Variants in MAGI2 observed in about 807,000 individuals in gnomAD.
MAGI2 encodes the protein membrane-associated guanylate kinase, WW and PDZ domain-containing protein 2.
MAGI2 carries 35 observed loss-of-function variants against 133.3 expected under a neutral mutation model. The observed-to-expected ratio is 0.26, with a 90% CI of 0.20 to 0.35. MAGI2 has a LOEUF of 0.35. Among genes scored for constraint, MAGI2 ranks in the 10% least tolerant of loss-of-function variants. The pLI is 1.00. For missense variants in MAGI2, 1,636 were observed against 1,863.4 expected (o/e 0.88, Z 2.25); for synonymous variants, 729 against 710.6 (o/e 1.03, Z -0.41).
At chr7:78,658,062 T>C (rs1316409701) in intron 2 of MAGI2, among the ~76,000 whole-genome samples, 1 of 152,234 alleles carries the variant, frequency 6.6e-6, no homozygotes, top group Non-Finnish European at 1.5e-5. Context: ...AGAACTGATA[T>C]TAATCCTTCT....
intron 1 of MAGI2, among the ~76,000 whole-genome samples, chr7:79,197,421 G>T (rs1828180034): frequency 6.6e-6 from 1 of 152,042 alleles, no homozygotes; most frequent in African/African-American, 2.4e-5. Flanking sequence ...TCACCACCTA[G>T]TATAGAACCT....
At chr7:79,402,146 A>C (rs1259747228) in intron 1 of MAGI2, among the ~76,000 whole-genome samples, 2 of 152,102 alleles carry the variant, frequency 1.3e-5, no homozygotes, top group African/African-American at 4.8e-5. Context: ...TCTTTTTTTA[A>C]GGCTCTATAG....
At chr7:78,407,759 C>T (rs1797519986) in intron 6 of MAGI2, among the ~76,000 whole-genome samples, 1 of 151,880 alleles carries the variant, frequency 6.6e-6, no homozygotes, top group African/African-American at 2.4e-5. Context: ...AAGTCCATTG[C>T]AGCCAACTGA....
intron 1 of MAGI2, among the ~76,000 whole-genome samples, chr7:79,200,705 T>C (rs1828539293): frequency 6.6e-6 from 1 of 151,856 alleles, no homozygotes; most frequent in Admixed American, 6.6e-5. Context: ...ATTGAGAATA[T>C]GGTGATACTA....
chr7:78,051,355 T>G (rs762449035), intron 21 of MAGI2, among the ~76,000 whole-genome samples: 5 of 152,194 alleles, frequency 3.3e-5, no homozygotes, highest in Non-Finnish European at 7.3e-5. Context: ...CTGAGAAATA[T>G]TGTTACTGCT....
intron 6 of MAGI2, among the ~76,000 whole-genome samples, chr7:78,467,890 A>T (rs1790803084): frequency 6.6e-6 from 1 of 152,178 alleles, no homozygotes; most frequent in Non-Finnish European, 1.5e-5. Context: ...TTGTCACAAG[A>T]TATCTTTCTT....
intron 14 of MAGI2, 132 bp downstream of exon 14, chr7:78,177,879 A>G (rs972786767): frequency 1.7e-6 from 1 of 590,638 alleles, no homozygotes; most frequent in Non-Finnish European, 2.9e-6. Flanking sequence ...GGAAAAAAAA[A>G]ATCCAAAGCT....
intron 21 of MAGI2, among the ~76,000 whole-genome samples, chr7:78,021,793 CCAA>C (rs1808419323): frequency 6.6e-6 from 1 of 152,112 alleles, no homozygotes; most frequent in South Asian, 2.1e-4. Flanking sequence ...TGATTTTGGA[CCAA>C]CAACTAAATC....
chr7:79,180,511 A>G (rs943254515), intron 1 of MAGI2, among the ~76,000 whole-genome samples: 1 of 152,034 alleles, frequency 6.6e-6, no homozygotes, highest in Admixed American at 6.6e-5. Context: ...CACCATCATG[A>G]GAACACAACA....
At chr7:78,673,711 C>T (rs1193827006) in intron 2 of MAGI2, among the ~76,000 whole-genome samples, 2 of 151,712 alleles carry the variant, frequency 1.3e-5, no homozygotes, top group Non-Finnish European at 2.9e-5. Context: ...GGGAGGGGGG[C>T]AGGCGGTGTT....
chr7:79,338,723 ATGT>A (rs1428146446), intron 1 of MAGI2, among the ~76,000 whole-genome samples: 2 of 152,134 alleles, frequency 1.3e-5, no homozygotes, highest in Non-Finnish European at 2.9e-5. Flanking sequence ...CCCATGTTAA[ATGT>A]TGTAACATAT....
rs534023915 is a variant in MAGI2 at position 78,134,997 on chromosome 7, T to C, written c.3031+24A>G. On this transcript the variant is annotated intron_variant, in intron 17 of 21. Coordinates refer to ENST00000354212, the MANE Select transcript of MAGI2 (RefSeq NM_012301.4). ...TGTGTCCATGTGTTGGCCGCCTCTC[T>C]GCAAGGCTGCCTCAGGCACTCACCC... 1.6e-5 allele frequency: 25 copies of C among 1,609,308 alleles called. No homozygotes were observed. In the South Asian group the frequency reaches 2.8e-4, roughly 18 times the overall value.
chr7:79,146,793 C>T (rs1000454609), intron 1 of MAGI2, among the ~76,000 whole-genome samples: 4 of 152,146 alleles, frequency 2.6e-5, no homozygotes, highest in African/African-American at 9.7e-5. Flanking sequence ...CTTAGGTGTG[C>T]CTTTATTGGC....
At chr7:78,432,805 A>G (rs756273575) in intron 6 of MAGI2, among the ~76,000 whole-genome samples, 16 of 151,988 alleles carry the variant, frequency 1.1e-4, no homozygotes, top group Non-Finnish European at 2.2e-4. Flanking sequence ...GCTCATATTA[A>G]AAAAAAGAAT....
chr7:78,911,634 C>T (rs1389858743), intron 2 of MAGI2, among the ~76,000 whole-genome samples: 1 of 149,146 alleles, frequency 6.7e-6, no homozygotes, highest in African/African-American at 2.5e-5. Context: ...AAGGCAGTAT[C>T]TAAATTTTAA....
chr7:78,347,688 A>C (rs567801177), intron 7 of MAGI2, among the ~76,000 whole-genome samples: 133 of 152,346 alleles, frequency 8.7e-4, no homozygotes, highest in African/African-American at 2.8e-3. Flanking sequence ...CTTCAGAAGC[A>C]CTGGGACCTT....
chr7:79,232,084 C>A (rs1831420807), intron 1 of MAGI2, among the ~76,000 whole-genome samples: 2 of 152,166 alleles, frequency 1.3e-5, no homozygotes, highest in South Asian at 4.1e-4. Context: ...TGTTTATATG[C>A]TGGATTACAT....
intron 1 of MAGI2, among the ~76,000 whole-genome samples, chr7:79,187,873 A>T (rs2129550892): frequency 6.6e-6 from 1 of 151,938 alleles, no homozygotes; most frequent in African/African-American, 2.4e-5. Flanking sequence ...GATACAGGAG[A>T]CCTAAATTTT....
chr7:79,157,913 G>A (rs1315313333), intron 1 of MAGI2, among the ~76,000 whole-genome samples: 1 of 113,728 alleles, frequency 8.8e-6, no homozygotes, highest in African/African-American at 3.3e-5. Context: ...CTAAAGTTCT[G>A]AAGTAAATGC....
Sources: allele counts gnomAD v4.1 joint callset (sites outside exome capture counted in the v4.1 genomes callset), GRCh38; gene constraint gnomAD v4.1.1; transcripts MANE v1.5; gene names NCBI Gene and HGNC (gene_info 2026-07-23, HGNC 2026-07-21).